Variants in ZNF423 observed in about 807,000 individuals in gnomAD.
ZNF423 encodes Ebf-associated zinc finger protein.
A neutral mutation model predicts 95.8 loss-of-function variants in ZNF423; 12 were observed. That is an observed-to-expected ratio of 0.13 (90% CI 0.08 to 0.20). The LOEUF (loss-of-function observed/expected upper bound fraction) is 0.20. Among genes scored for constraint, ZNF423 ranks in the 10% least tolerant of loss-of-function variants. ZNF423 has a pLI of 1.00. For synonymous variants in ZNF423, 749 were observed against 711.9 expected, an observed-to-expected ratio of 1.05 and a Z score of -0.83; for missense variants, 1,316 against 1,737.1, an observed-to-expected ratio of 0.76 and a Z score of 4.31.
At chr16:49,613,816 C>T (rs1971796007) in intron 5 of ZNF423, among the ~76,000 whole-genome samples, 1 of 152,004 alleles carries the variant, frequency 6.6e-6, no homozygotes, top group Admixed American at 6.6e-5. Context: ...AAACTTCAAC[C>T]TAAGTCTTAT....
At chr16:49,754,351 G>A (rs1020456344) in intron 2 of ZNF423, among the ~76,000 whole-genome samples, 3 of 152,170 alleles carry the variant, frequency 2.0e-5, no homozygotes, top group African/African-American at 7.2e-5. Flanking sequence ...ACAGTGCCTG[G>A]TCCAGAAGAG....
rs147355092 is a variant in ZNF423 at position 49,684,631 on chromosome 16, C to T, written c.302-45757G>A. Among the ~76,000 whole-genome samples, 25 of 152,288 alleles carry T rather than the reference C, an allele frequency of 1.6e-4. No individual in the cohort carries two copies. The East Asian group carries it at 2.1e-3, about 13-fold the overall frequency. ...AAGGTTCTGGTCAGGATGTGAGTGG[C>T]CCCAGGACGTAACTCTCCTTCAGCC... On this transcript the variant is annotated intron_variant, in intron 3 of 7. Coordinates refer to ENST00000563137, the MANE Select transcript of ZNF423 (RefSeq NM_001379286.1).
At chr16:49,647,437 G>A (rs987024121) in intron 3 of ZNF423, among the ~76,000 whole-genome samples, 6 of 152,196 alleles carry the variant, frequency 3.9e-5, no homozygotes, top group Admixed American at 6.5e-5. Context: ...AATATGTTAC[G>A]TTACATGGTA....
intron 1 of ZNF423, among the ~76,000 whole-genome samples, chr16:49,793,601 G>A (rs944433325): frequency 1.3e-5 from 2 of 152,228 alleles, no homozygotes; most frequent in Non-Finnish European, 2.9e-5. Context: ...ATGGGCATTT[G>A]TAAGGTAGGT....
chr16:49,534,237 T>TC (rs2151726345), intron 5 of ZNF423, among the ~76,000 whole-genome samples: 2 of 57,742 alleles, frequency 3.5e-5, no homozygotes, highest in African/African-American at 1.7e-4. Context: ...TACTTCTCCT[T>TC]CTTTTTTTTT....
intron 3 of ZNF423, among the ~76,000 whole-genome samples, chr16:49,650,769 T>A (rs1347355880): frequency 6.6e-6 from 1 of 152,120 alleles, no homozygotes; most frequent in Non-Finnish European, 1.5e-5. Context: ...TTAGGTCACA[T>A]CCTGACATCA....
intron 7 of ZNF423, 41 bp from the exon 8 acceptor site, chr16:49,491,345 A>G: frequency 6.2e-7 from 1 of 1,612,904 alleles, no homozygotes; most frequent in Non-Finnish European, 8.5e-7. Context: ...AAGGAGAAGA[A>G]TGGAGAGCAT....
intron 3 of ZNF423, among the ~76,000 whole-genome samples, chr16:49,697,836 C>A (rs2032030583): frequency 6.6e-6 from 1 of 152,256 alleles, no homozygotes; most frequent in East Asian, 1.9e-4. Flanking sequence ...GGCATGAGCC[C>A]GCGGTGATGC....
At chr16:49,755,071 G>A (rs560585478) in intron 2 of ZNF423, among the ~76,000 whole-genome samples, 310 of 152,340 alleles carry the variant, frequency 2.0e-3, no homozygotes, top group Non-Finnish European at 2.4e-3. Flanking sequence ...CAGCAGGAGG[G>A]GAGGGAGGTG....
chr16:49,780,637 C>T (rs1334670270), intron 2 of ZNF423: 6 of 152,114 alleles, frequency 3.9e-5, no homozygotes, highest in African/African-American at 9.7e-5. Context: ...CTAACAAAGG[C>T]GCAGCCCGGG....
intron 5 of ZNF423, among the ~76,000 whole-genome samples, chr16:49,573,611 G>A (rs974009217): frequency 2.6e-5 from 4 of 152,106 alleles, no homozygotes; most frequent in Non-Finnish European, 5.9e-5. Context: ...CATCATCTGG[G>A]CCTACCCTGA....
chr16:49,568,185 C>G (rs1333169852), intron 5 of ZNF423, among the ~76,000 whole-genome samples: 1 of 152,114 alleles, frequency 6.6e-6, no homozygotes, highest in Non-Finnish European at 1.5e-5. Flanking sequence ...CAGGCCTGGC[C>G]AATCAGAGCC....
chr16:49,658,466 A>G (rs2030011408), intron 3 of ZNF423, among the ~76,000 whole-genome samples: 1 of 152,238 alleles, frequency 6.6e-6, no homozygotes, highest in Non-Finnish European at 1.5e-5. Flanking sequence ...GACAGAGGAA[A>G]TTCCAATTTT....
intron 2 of ZNF423, among the ~76,000 whole-genome samples, chr16:49,743,754 TGGG>T (rs2033463658): frequency 6.6e-6 from 1 of 151,832 alleles, no homozygotes; most frequent in African/African-American, 2.4e-5. Context: ...AGCCTCCAGG[TGGG>T]CCTGGAGGGC....
intron 3 of ZNF423, among the ~76,000 whole-genome samples, chr16:49,707,142 T>G (rs533318238): frequency 6.6e-6 from 1 of 151,988 alleles, no homozygotes; most frequent in East Asian, 1.9e-4. Context: ...CACCGCTCCC[T>G]GGGTACCTAC....
chr16:49,730,535 G>C, intron 3 of ZNF423: 1 of 566,810 alleles, frequency 1.8e-6, no homozygotes, highest in South Asian at 2.1e-5. Flanking sequence ...AGCTTGCGGG[G>C]AGAGGGGGCC....
intron 2 of ZNF423, among the ~76,000 whole-genome samples, chr16:49,759,111 T>C (rs1243563822): frequency 6.6e-6 from 1 of 152,216 alleles, no homozygotes; most frequent in Non-Finnish European, 1.5e-5. Flanking sequence ...GAAAGCTTGC[T>C]GGCTGGGCAT....
intron 3 of ZNF423, among the ~76,000 whole-genome samples, chr16:49,662,204 G>A (rs1253797273): frequency 1.3e-5 from 2 of 152,160 alleles, no homozygotes; most frequent in Non-Finnish European, 2.9e-5. Context: ...CAGTCCCCCT[G>A]AAGGGCTCTG....
At chr16:49,848,054 C>A (rs927097024) in intron 1 of ZNF423, among the ~76,000 whole-genome samples, 1 of 151,770 alleles carries the variant, frequency 6.6e-6, no homozygotes, top group Non-Finnish European at 1.5e-5. Flanking sequence ...CAGTGAACTA[C>A]GATCACGTCA....
Sources: allele counts gnomAD v4.1 joint callset (sites outside exome capture counted in the v4.1 genomes callset), GRCh38; gene constraint gnomAD v4.1.1; transcripts MANE v1.5; gene names NCBI Gene and HGNC (gene_info 2026-07-23, HGNC 2026-07-21).